The following GIPC2 variants were observed in gnomAD, a reference collection of about 807,000 sequenced individuals.
GIPC2 encodes PDZ domain-containing protein GIPC2.
A neutral mutation model predicts 30.6 loss-of-function variants in GIPC2; 30 were observed. The ratio of observed to expected loss-of-function variants is 0.98; its 90% CI spans 0.73 to 1.33. The LOEUF (loss-of-function observed/expected upper bound fraction) is 1.33, where lower values mean the gene tolerates loss of function less well. GIPC2 is among the 40% of genes most tolerant of loss of function. The pLI is 0.00. For missense variants in GIPC2, 414 were observed against 390.3 expected, an observed-to-expected ratio of 1.06 and a Z score of -0.51; for synonymous variants, 167 against 150.0, an observed-to-expected ratio of 1.11 and a Z score of -0.83.
chr1:78,069,197 C>A, intron 1 of GIPC2: 1 of 530,140 alleles, frequency 1.9e-6, no homozygotes, highest in Non-Finnish European at 2.4e-6. Flanking sequence ...CTGCTCTTCA[C>A]CCTTTCCCAT....
Position 78,135,579 on chromosome 1 carries a change from T to C in GIPC2, c.797-13T>C. 6.8e-7 allele frequency: 1 copy of C among 1,473,062 alleles called. No individual in the cohort carries two copies. 91.2% of individuals were successfully genotyped at this position (1,473,062 alleles called of 1,614,324 possible). A position where few individuals can be genotyped will look rare whatever the true frequency, so the allele number is the denominator to read the frequency against. ...TTCATTTATTGTTAATTTTTTAATATTATTTTTGATAGCCACCACAATGTT... is the reference window on the plus strand; with the variant it reads ...TTCATTTATTGTTAATTTTTTAATACTATTTTTGATAGCCACCACAATGTT... On this transcript the variant is annotated splice_polypyrimidine_tract_variant and intron_variant, in intron 5 of 5. Transcript: ENST00000370759.
chr1:78,105,521 C>T (rs1396815780), intron 3 of GIPC2, among the ~76,000 whole-genome samples: 4 of 151,992 alleles, frequency 2.6e-5, no homozygotes, highest in African/African-American at 4.8e-5. Context: ...CTTTTGACCT[C>T]GTGATCCGCC....
intron 1 of GIPC2, among the ~76,000 whole-genome samples, chr1:78,078,105 G>A (rs1288916985): frequency 7.0e-6 from 1 of 143,150 alleles, no homozygotes; most frequent in Non-Finnish European, 1.5e-5. Flanking sequence ...GGAGAATGGC[G>A]TGAACCCGGG....
Position 78,091,993 on chromosome 1 carries a change from C to T in GIPC2, c.427-2959C>T, listed in dbSNP as rs1662050396. 8.4e-6 allele frequency: 12 copies of T among 1,426,282 alleles called. No homozygotes were observed. In the South Asian group the frequency reaches 1.4e-4, roughly 16 times the overall value. The allele number at this position is 1,426,282 out of a possible 1,614,324, so 88.4% of individuals were successfully genotyped here. A position where few individuals can be genotyped will look rare whatever the true frequency, so the allele number is the denominator to read the frequency against. The stretch of plus-strand genomic sequence containing the variant: ...TGAAGAACTTCAACCCCACAGTGAA[C>T]TACATTTTGTCCATAAGTGCTTCAT... On this transcript the variant is annotated intron_variant, in intron 2 of 5. Coordinates refer to ENST00000370759, the MANE Select transcript of GIPC2 (RefSeq NM_017655.6).
intron 1 of GIPC2, among the ~76,000 whole-genome samples, chr1:78,059,460 T>C (rs1235407853): frequency 2.0e-5 from 3 of 152,208 alleles, no homozygotes; most frequent in Non-Finnish European, 2.9e-5. Context: ...TCATTTAGGC[T>C]GGGTGCAGTG....
At chr1:78,128,989 A>AGTGAG (rs1311563432) in intron 5 of GIPC2, among the ~76,000 whole-genome samples, 1 of 149,920 alleles carries the variant, frequency 6.7e-6, no homozygotes, top group African/African-American at 2.4e-5. Flanking sequence ...TGGACAATAG[A>AGTGAG]GTGAGACCCT....
At position 78,080,776 on chromosome 1, in the gene GIPC2, C is replaced by T. The variant is rs146659174; in HGVS notation, c.342C>T (p.Ile114=). Residue 114 remains isoleucine (I), a synonymous_variant, in exon 2 of 6, where the codon ATC becomes ATT. Transcript: ENST00000370759. ...EDFIFAHVKG[I]EKEVNVYKSE... ...TCATATTTGCCCATGTGAAAGGAAT[C>T]GAAAAAGAAGTGAATGTGTATAAAT... 80 of 1,608,810 alleles carry T rather than the reference C, an allele frequency of 5.0e-5. No individual in the cohort carries two copies. The African/African-American group carries it at 1.0e-3, about 20-fold the overall frequency.
intron 3 of GIPC2, among the ~76,000 whole-genome samples, chr1:78,114,776 G>A (rs564526620): frequency 1.3e-5 from 2 of 152,156 alleles, no homozygotes; most frequent in African/African-American, 4.8e-5. Context: ...AACACCAAGA[G>A]TGAACTCTAA....
rs1286306580 is a variant in GIPC2 at position 78,083,417 on chromosome 1, TAAC to T, written c.426+2558_426+2560del. ...TGGTTTGTCTCATTGTTTGTGAGAT[TAAC>T]TTTTGTCACTTGTCTGAGGTAGTGT... On this transcript the variant is annotated intron_variant, in intron 2 of 5. Coordinates refer to ENST00000370759, the MANE Select transcript of GIPC2 (RefSeq NM_017655.6). Among the ~76,000 whole-genome samples, 10 of 152,316 alleles carry T rather than the reference TAAC, an allele frequency of 6.6e-5. 1 individual carries two copies. Among genetic ancestry groups the T allele is most frequent in the African/African-American group, 2.4e-4 (10 of 41,578 alleles).
chr1:78,100,943 C>A (rs397841904), intron 3 of GIPC2, among the ~76,000 whole-genome samples: 9 of 105,618 alleles, frequency 8.5e-5, no homozygotes, highest in African/African-American at 2.4e-4. Flanking sequence ...AAAAAAAATA[C>A]ACACACACAC....
intron 2 of GIPC2, among the ~76,000 whole-genome samples, chr1:78,089,715 A>G (rs1310548950): frequency 6.6e-6 from 1 of 152,232 alleles, no homozygotes; most frequent in Non-Finnish European, 1.5e-5. Context: ...AAGTCTCAAC[A>G]TTTCTAAGAA....
intron 1 of GIPC2, among the ~76,000 whole-genome samples, chr1:78,057,834 A>G (rs552998425): frequency 6.6e-6 from 1 of 152,222 alleles, no homozygotes; most frequent in Non-Finnish European, 1.5e-5. Flanking sequence ...CATGGAGCTT[A>G]CATTCTAGTC....
chr1:78,125,863 C>T lies in GIPC2; in HGVS notation c.715-18C>T, dbSNP rs368288141. The T allele has an allele frequency of 7.2e-7, 1 of 1,390,656 alleles. No individual in the cohort carries two copies. Among genetic ancestry groups the T allele is most frequent in the East Asian group, 2.3e-5 (1 of 43,648 alleles). 86.1% of individuals were successfully genotyped at this position (1,390,656 alleles called of 1,614,324 possible). ...GATTTTGTTGTATAATATCTTATTT[C>T]TCTCTTTTTTGATAAAGCCTTCTGA... On this transcript the variant is annotated intron_variant, in intron 4 of 5. Transcript: ENST00000370759.
At chr1:78,090,604 A>G (rs950867180) in intron 2 of GIPC2, among the ~76,000 whole-genome samples, 3 of 152,246 alleles carry the variant, frequency 2.0e-5, no homozygotes, top group Non-Finnish European at 4.4e-5. Context: ...TTAAATTGAA[A>G]TAGTTTGACT....
intron 4 of GIPC2, among the ~76,000 whole-genome samples, chr1:78,124,742 A>C (rs562732226): frequency 6.6e-6 from 1 of 152,212 alleles, no homozygotes; most frequent in African/African-American, 2.4e-5. Context: ...GTGATGGCTC[A>C]TGCCTGTAAT....
At chr1:78,074,145 A>G (rs1417465555) in intron 1 of GIPC2, among the ~76,000 whole-genome samples, 1 of 152,250 alleles carries the variant, frequency 6.6e-6, no homozygotes. Context: ...GAAGCTTTCA[A>G]GCATAAGTAT....
At position 78,135,946 on chromosome 1, in the gene GIPC2, A is replaced by G; in HGVS notation, c.*203A>G. 2.2e-6 allele frequency: 1 copy of G among 445,050 alleles called. No homozygotes were observed. The highest frequency in any genetic ancestry group is 3.9e-6 in the Non-Finnish European group (1 of 256,728). The allele number at this position is 445,050 out of a possible 1,614,324, so 27.6% of individuals were successfully genotyped here. On this transcript the variant is annotated 3_prime_UTR_variant, in exon 6 of 6. Coordinates refer to ENST00000370759, the MANE Select transcript of GIPC2 (RefSeq NM_017655.6). Reference sequence around the variant, plus strand: ...TGCTGATGTAGTATGCTTAAGAGAAATGACCTAAATAAGGATCAATTGTAA... The same window carrying G: ...TGCTGATGTAGTATGCTTAAGAGAAGTGACCTAAATAAGGATCAATTGTAA...
At chr1:78,098,689 C>G (rs188638833) in intron 3 of GIPC2, among the ~76,000 whole-genome samples, 1 of 152,116 alleles carries the variant, frequency 6.6e-6, no homozygotes, top group African/African-American at 2.4e-5. Context: ...TAGAATGCAA[C>G]TGGATTTGTA....
chr1:78,062,840 C>T (rs1250774919), intron 1 of GIPC2, among the ~76,000 whole-genome samples: 1 of 152,074 alleles, frequency 6.6e-6, no homozygotes, highest in East Asian at 1.9e-4. Context: ...ACCACTTAAC[C>T]TATGCTATCT....
Sources: gnomAD v4.1 joint callset for allele counts (sites outside exome capture counted in the v4.1 genomes callset) on GRCh38, gnomAD v4.1.1 for gene constraint, MANE v1.5 for transcripts, NCBI Gene and HGNC (gene_info 2026-07-23, HGNC 2026-07-21) for gene names.